The following CLDN16 variants were observed in gnomAD, a reference collection of about 807,000 sequenced individuals.
CLDN16 encodes claudin-16.
A neutral mutation model predicts 24.6 loss-of-function variants in CLDN16; 13 were observed. That is an observed-to-expected ratio of 0.53 (90% CI 0.34 to 0.84). The LOEUF (loss-of-function observed/expected upper bound fraction) is 0.84. Among genes scored for constraint, CLDN16 ranks in the 40% least tolerant of loss-of-function variants. The probability of loss-of-function intolerance (pLI) is 0.01; values close to 1 mark genes in which losing one functional copy is unlikely to be tolerated. For missense variants in CLDN16, 298 were observed against 292.7 expected, an observed-to-expected ratio of 1.02 and a Z score of -0.13; for synonymous variants, 116 against 106.7, an observed-to-expected ratio of 1.09 and a Z score of -0.54.
At chr3:190,344,718 G>A (rs1212397108) in intron 1 of CLDN16, among the ~76,000 whole-genome samples, 2 of 151,826 alleles carry the variant, frequency 1.3e-5, no homozygotes, top group Non-Finnish European at 2.9e-5. Context: ...AAAAACTAAG[G>A]ATTCCAGATA....
At chr3:190,298,156 A>G in the CLDN16 span, among the ~76,000 whole-genome samples, 3 of 152,198 alleles carry the variant, frequency 2.0e-5, no homozygotes, top group African/African-American at 7.2e-5. Flanking sequence ...TAAGTCTTAA[A>G]GCATAATAGT....
chr3:190,300,683 T>C, the CLDN16 span, among the ~76,000 whole-genome samples: 4 of 152,242 alleles, frequency 2.6e-5, no homozygotes, highest in African/African-American at 9.6e-5. Context: ...ACTTTTGCTA[T>C]CTACTCCTGC....
intron 2 of CLDN16, among the ~76,000 whole-genome samples, chr3:190,374,219 A>G (rs1022339777): frequency 6.6e-6 from 1 of 150,738 alleles, no homozygotes; most frequent in Admixed American, 6.6e-5. Flanking sequence ...GGAATCATCA[A>G]TCTGTGGAGT....
At chr3:190,328,003 C>T (rs1228795246) in intron 1 of CLDN16, among the ~76,000 whole-genome samples, 1 of 151,834 alleles carries the variant, frequency 6.6e-6, no homozygotes, top group Non-Finnish European at 1.5e-5. Context: ...ATTTTTTGGA[C>T]AGGTGTGGTG....
At chr3:190,364,859 C>T (rs896761409) in intron 1 of CLDN16, among the ~76,000 whole-genome samples, 2 of 151,190 alleles carry the variant, frequency 1.3e-5, no homozygotes, top group Admixed American at 6.6e-5. Flanking sequence ...TATATCGGCA[C>T]GCCCCACGTC....
chr3:190,330,219 C>T (rs746664661), intron 1 of CLDN16, among the ~76,000 whole-genome samples: 4 of 152,106 alleles, frequency 2.6e-5, no homozygotes, highest in South Asian at 4.1e-4. Context: ...GAAACTTGAA[C>T]GACCTTTTGT....
At chr3:190,359,005 G>T (rs115697026) in intron 1 of CLDN16, among the ~76,000 whole-genome samples, 1 of 151,876 alleles carries the variant, frequency 6.6e-6, no homozygotes, top group African/African-American at 2.4e-5. Flanking sequence ...ATTGCAGAAG[G>T]CTTCATTCTG....
chr3:190,384,123 A>G (rs981922325), upstream of CLDN16, among the ~76,000 whole-genome samples: 1 of 152,114 alleles, frequency 6.6e-6, no homozygotes, highest in African/African-American at 2.4e-5. Context: ...CTTTTTTTAT[A>G]TTAGTTATAG....
chr3:190,305,307 T>A, the CLDN16 span, among the ~76,000 whole-genome samples: 71 of 152,212 alleles, frequency 4.7e-4, no homozygotes, highest in African/African-American at 1.6e-3. Flanking sequence ...GGAGTAGTTT[T>A]GATCATCATC....
intron 1 of CLDN16, among the ~76,000 whole-genome samples, chr3:190,333,084 T>C (rs776630540): frequency 3.3e-5 from 5 of 152,130 alleles, no homozygotes; most frequent in Non-Finnish European, 5.9e-5. Context: ...TATCAGACCA[T>C]ACCCAAATAA....
At chr3:190,374,833 G>A (rs993245903) in intron 3 of CLDN16, among the ~76,000 whole-genome samples, 2 of 152,006 alleles carry the variant, frequency 1.3e-5, no homozygotes, top group East Asian at 1.9e-4. Context: ...ATTGTGTGCC[G>A]ATTTTTATTA....
At chr3:190,334,328 G>A (rs1424203378) in intron 1 of CLDN16, among the ~76,000 whole-genome samples, 1 of 152,206 alleles carries the variant, frequency 6.6e-6, no homozygotes, top group African/African-American at 2.4e-5. Flanking sequence ...GGAAGGATAA[G>A]AAATTTGACT....
chr3:190,344,130 A>T (rs1368252762), intron 1 of CLDN16, among the ~76,000 whole-genome samples: 1 of 152,124 alleles, frequency 6.6e-6, no homozygotes, highest in Non-Finnish European at 1.5e-5. Context: ...AAAAAATATA[A>T]AAAATAATTT....
chr3:190,385,207 G>A (rs1051300890), upstream of CLDN16, among the ~76,000 whole-genome samples: 1 of 152,130 alleles, frequency 6.6e-6, no homozygotes, highest in Admixed American at 6.6e-5. Context: ...AAACCAAAAT[G>A]TTGAAGCCTA....
At chr3:190,352,829 C>T (rs945049966) in intron 1 of CLDN16, among the ~76,000 whole-genome samples, 9 of 151,766 alleles carry the variant, frequency 5.9e-5, no homozygotes, top group African/African-American at 2.2e-4. Context: ...TCTTTTCTTA[C>T]ATCAACTGTA....
At chr3:190,371,016 T>TTATATATATA (rs141854157) in intron 2 of CLDN16, 110 of 13,860 alleles carry the variant, frequency 7.9e-3, no homozygotes, top group African/African-American at 9.1e-3. Flanking sequence ...GTTAATACCT[T>TTATATATATA]TATATATATA....
chr3:190,305,358 C>T, the CLDN16 span, among the ~76,000 whole-genome samples: 1 of 152,226 alleles, frequency 6.6e-6, no homozygotes, highest in East Asian at 1.9e-4. Context: ...CTGTCTTTCA[C>T]TCTTCCACCT....
At chr3:190,347,525 TACTTATGA>T (rs1717576905) in intron 1 of CLDN16, among the ~76,000 whole-genome samples, 1 of 152,210 alleles carries the variant, frequency 6.6e-6, no homozygotes, top group Non-Finnish European at 1.5e-5. Context: ...CATTACTAAA[TACTTATGA>T]GTGTCTGCCA....
chr3:190,317,385 T>G, the CLDN16 span, among the ~76,000 whole-genome samples: 1 of 152,218 alleles, frequency 6.6e-6, no homozygotes, highest in African/African-American at 2.4e-5. Flanking sequence ...TAAGGAGTTC[T>G]CATCATTTTC....
Sources: allele counts gnomAD v4.1 joint callset (sites outside exome capture counted in the v4.1 genomes callset), GRCh38; gene constraint gnomAD v4.1.1; transcripts MANE v1.5; gene names NCBI Gene and HGNC (gene_info 2026-07-23, HGNC 2026-07-21).